CEP135: variants seen among roughly 807,000 people sequenced by gnomAD.
CEP135 encodes the protein centrosomal protein 135, also known as centrosomal protein of 135 kDa.
CEP135 carries 142 observed loss-of-function variants against 157.3 expected under a neutral mutation model. The observed-to-expected ratio is 0.90, with a 90% CI of 0.79 to 1.04. The LOEUF (loss-of-function observed/expected upper bound fraction) is 1.04, where lower values mean the gene tolerates loss of function less well. CEP135 is among the 50% of genes least tolerant of loss of function. The pLI is 0.00. For missense variants in CEP135, 1,317 were observed against 1,309.2 expected, an observed-to-expected ratio of 1.01 and a Z score of -0.09; for synonymous variants, 396 against 439.8, an observed-to-expected ratio of 0.90 and a Z score of 1.25.
intron 19 of CEP135, among the ~76,000 whole-genome samples, chr4:56,010,945 A>G (rs550140642): frequency 2.0e-5 from 3 of 152,286 alleles, no homozygotes; most frequent in Admixed American, 6.5e-5. Context: ...TTAAAAAGTC[A>G]GTATCAGACC....
At chr4:55,969,605 T>C (rs1728958386) in intron 9 of CEP135, among the ~76,000 whole-genome samples, 1 of 152,172 alleles carries the variant, frequency 6.6e-6, no homozygotes, top group African/African-American at 2.4e-5. Context: ...ATTTACAAGG[T>C]TCATGCATGT....
intron 18 of CEP135, among the ~76,000 whole-genome samples, chr4:56,008,590 G>A (rs1730444675): frequency 2.0e-5 from 3 of 152,054 alleles, no homozygotes; most frequent in Admixed American, 6.6e-5. Context: ...AAACACTTAT[G>A]TCTTATTAAC....
chr4:55,962,934 A>G (rs1728730113), intron 6 of CEP135, among the ~76,000 whole-genome samples: 1 of 148,696 alleles, frequency 6.7e-6, no homozygotes, highest in African/African-American at 2.5e-5. Context: ...AGACCCATAT[A>G]CCCACCTTTA....
At chr4:55,988,783 C>A (rs1270555257) in intron 14 of CEP135, among the ~76,000 whole-genome samples, 2 of 149,304 alleles carry the variant, frequency 1.3e-5, no homozygotes, top group Non-Finnish European at 3.0e-5. Context: ...CGGTGAAACC[C>A]CGTCTCTACT....
At chr4:55,965,033 A>T (rs545499689) in intron 7 of CEP135, 3 of 152,340 alleles carry the variant, frequency 2.0e-5, no homozygotes, top group Admixed American at 6.5e-5. Flanking sequence ...AGTAAAAAAT[A>T]TCAACAGTAG....
In CEP135 at chr4:56,009,754, G is replaced by T. The variant is rs1385223483; in HGVS notation, c.2356G>T (p.Val786Phe). The T allele has an allele frequency of 6.2e-7, 1 of 1,608,592 alleles. No individual in the cohort carries two copies. The highest frequency in any genetic ancestry group is 8.5e-7 in the Non-Finnish European group (1 of 1,178,818). ...TAACAGCCAGCTGAAAGAAACATTG[G>T]TTAATCGAGATCGTGAGATAAACAG... Reference protein sequence around the residue: ...SSVNQLKETLVNRDREINSLR... With the variant: ...SSVNQLKETLFNRDREINSLR... Residue 786 changes from valine to phenylalanine, a missense_variant, in exon 19 of 26, where the codon GTT becomes TTT. Val to Phe is a conservative substitution (Grantham distance 50). Coordinates refer to ENST00000257287, the MANE Select transcript of CEP135 (RefSeq NM_025009.5).
At chr4:56,011,007 G>A (rs1730563576) in intron 19 of CEP135, among the ~76,000 whole-genome samples, 1 of 151,984 alleles carries the variant, frequency 6.6e-6, no homozygotes, top group African/African-American at 2.4e-5. Flanking sequence ...ACCAAAGTGG[G>A]AGGATTGCTT....
intron 8 of CEP135, among the ~76,000 whole-genome samples, chr4:55,968,132 A>G (rs952365205): frequency 7.9e-5 from 12 of 152,238 alleles, no homozygotes; most frequent in Admixed American, 7.8e-4. Flanking sequence ...CTATCCAAAA[A>G]GGAAATTAAG....
At chr4:55,959,176 G>A (rs1728600851) in intron 5 of CEP135, among the ~76,000 whole-genome samples, 1 of 152,184 alleles carries the variant, frequency 6.6e-6, no homozygotes, top group Non-Finnish European at 1.5e-5. Context: ...AACAATTCAG[G>A]TAATTTGGAC....
intron 7 of CEP135, chr4:55,964,889 A>G (rs994352135): frequency 2.6e-5 from 4 of 151,866 alleles, no homozygotes; most frequent in Admixed American, 2.6e-4. Flanking sequence ...GCTTTTATCT[A>G]CTTACGTAGT....
rs763361090 is a variant in CEP135, at chr4:55,965,683, C to A, written c.868C>A (p.Arg290Ser). ...LQQANKDLEK[R>S]IRELMETKET... ...GCAAGCTAATAAAGACCTGGAGAAGCGTATACGAGAGCTTATGGAAACCAA... is the reference window on the plus strand; with the variant it reads ...GCAAGCTAATAAAGACCTGGAGAAGAGTATACGAGAGCTTATGGAAACCAA... The change falls in exon 8 of 26, where the codon CGT becomes AGT. Residue 290 changes from arginine (R) to serine (S), a missense_variant. Coordinates refer to ENST00000257287, the MANE Select transcript of CEP135 (RefSeq NM_025009.5). The A allele has an allele frequency of 3.1e-6, 5 of 1,612,372 alleles. No homozygotes were observed. The East Asian group carries it at 6.7e-5, about 22-fold the overall frequency.
In CEP135 at chr4:55,952,151, A is replaced by G. The variant is rs776927222; in HGVS notation, c.21A>G (p.Arg7=). 1 of 1,608,156 alleles carries G rather than the reference A, an allele frequency of 6.2e-7. No homozygotes were observed. Among genetic ancestry groups the G allele is most frequent in the Admixed American group, 1.7e-5 (1 of 59,968 alleles). The change falls in exon 2 of 26, where the codon AGA becomes AGG. Residue 7 remains arginine (R), a synonymous_variant. Coordinates refer to ENST00000257287, the MANE Select transcript of CEP135 (RefSeq NM_025009.5). MTTAVE[R]KYINIRKRLD... ...ACGAGATGACTACAGCTGTAGAGAG[A>G]AAGTATATTAATATTAGGAAAAGGC...
chr4:56,011,496 C>G lies in CEP135; in HGVS notation c.2590C>G (p.Arg864Gly). 1 of 1,607,272 alleles carries G rather than the reference C, an allele frequency of 6.2e-7. No individual in the cohort carries two copies. The highest frequency in any genetic ancestry group is 1.7e-5 in the Admixed American group (1 of 59,178). ...TCATAAATACATAACAGAGGTGTCA[C>G]GATGGGAGAGCTTAATGGCTGCCAA... ...RVHKYITEVS[R>G]WESLMAAKEK... The change falls in exon 20 of 26, where the codon CGA becomes GGA. Residue 864 changes from arginine (R) to glycine (G), a missense_variant. By Grantham distance (125) the Arg-to-Gly change is moderately radical. Coordinates refer to ENST00000257287, the MANE Select transcript of CEP135 (RefSeq NM_025009.5).
chr4:56,002,241 TCTTGACTAATTGTTCTGGC>T (rs1340822636), intron 17 of CEP135, among the ~76,000 whole-genome samples: 1 of 152,038 alleles, frequency 6.6e-6, no homozygotes, highest in Non-Finnish European at 1.5e-5. Flanking sequence ...TTTTTCTTTC[TCTTGACTAATTGTTCTGGC>T]CAGGACTTCC....
At chr4:56,020,488 A>C (rs1192275880) in intron 23 of CEP135, among the ~76,000 whole-genome samples, 188 bp from the exon 24 acceptor site, 1 of 152,234 alleles carries the variant, frequency 6.6e-6, no homozygotes, top group Non-Finnish European at 1.5e-5. Flanking sequence ...TTAGCACATA[A>C]TAGATGTTCA....
intron 1 of CEP135, among the ~76,000 whole-genome samples, chr4:55,951,581 A>G (rs1199019840): frequency 2.0e-5 from 3 of 152,198 alleles, no homozygotes; most frequent in Non-Finnish European, 4.4e-5. Flanking sequence ...TTTAGCCCAA[A>G]TTAATGTTCT....
intron 24 of CEP135, among the ~76,000 whole-genome samples, chr4:56,024,232 A>T (rs1004263457): frequency 1.3e-5 from 2 of 149,626 alleles, no homozygotes; most frequent in African/African-American, 4.9e-5. Context: ...CATTAAAAGA[A>T]TATGCACTAT....
intron 8 of CEP135, among the ~76,000 whole-genome samples, chr4:55,968,367 C>T (rs1038114328): frequency 6.9e-6 from 1 of 145,014 alleles, no homozygotes; most frequent in East Asian, 2.0e-4. Flanking sequence ...ATCAAAATCC[C>T]AGTGGTGTTT....
intron 9 of CEP135, 82 bp downstream of exon 9, chr4:55,969,210 G>A: frequency 9.0e-7 from 1 of 1,108,988 alleles, no homozygotes; most frequent in Non-Finnish European, 1.3e-6. Flanking sequence ...ATCACCTGAG[G>A]TCAGGAGTTC....
Sources: gnomAD v4.1 joint callset for allele counts (sites outside exome capture counted in the v4.1 genomes callset) on GRCh38, gnomAD v4.1.1 for gene constraint, MANE v1.5 for transcripts, NCBI Gene and HGNC (gene_info 2026-07-23, HGNC 2026-07-21) for gene names.